Variants in NXPE2 observed in about 807,000 individuals in gnomAD.
The protein encoded by NXPE2 is neurexophilin and PC-esterase domain family member 2, also known as NXPE family member 2.
A neutral mutation model predicts 34.4 loss-of-function variants in NXPE2; 34 were observed. That is an observed-to-expected ratio of 0.99 (90% confidence interval 0.75 to 1.31). NXPE2 has a LOEUF of 1.31. Ranked by LOEUF, NXPE2 falls within the 40% of genes most tolerant of loss-of-function variation. The pLI is 0.00. For synonymous variants in NXPE2, 235 were observed against 231.3 expected, an observed-to-expected ratio of 1.02 and a Z score of -0.15; for missense variants, 649 against 672.5, an observed-to-expected ratio of 0.97 and a Z score of 0.39.
At chr11:114,652,595 G>T in the NXPE2 span, among the ~76,000 whole-genome samples, 18 of 152,322 alleles carry the variant, frequency 1.2e-4, no homozygotes, top group Admixed American at 2.6e-4. Flanking sequence ...CTCGACATAT[G>T]TTAACTGTTA....
At chr11:114,734,978 T>C in the NXPE2 span, among the ~76,000 whole-genome samples, 1 of 152,112 alleles carries the variant, frequency 6.6e-6, no homozygotes, top group Non-Finnish European at 1.5e-5. Context: ...GGCATGGTGG[T>C]GGGTGCCTGT....
the NXPE2 span, among the ~76,000 whole-genome samples, chr11:114,728,142 T>C: frequency 1.3e-5 from 2 of 152,082 alleles, no homozygotes; most frequent in Non-Finnish European, 2.9e-5. Context: ...CTGTTTTAAT[T>C]GCACATCTCT....
At chr11:114,752,216 T>C in the NXPE2 span, among the ~76,000 whole-genome samples, 1 of 151,948 alleles carries the variant, frequency 6.6e-6, no homozygotes, top group South Asian at 2.1e-4. Context: ...GAGACAGGAG[T>C]GTGTTTGTCA....
chr11:114,519,077 G>A, the NXPE2 span, among the ~76,000 whole-genome samples: 28 of 152,004 alleles, frequency 1.8e-4, no homozygotes, highest in Non-Finnish European at 3.2e-4. Context: ...GAATGTCTAG[G>A]CATAATGTGA....
chr11:114,724,092 A>G, the NXPE2 span, among the ~76,000 whole-genome samples: 1 of 152,192 alleles, frequency 6.6e-6, no homozygotes, highest in African/African-American at 2.4e-5. Context: ...ACGGAATAGC[A>G]GCAACAATCA....
chr11:114,563,447 C>T, the NXPE2 span, among the ~76,000 whole-genome samples: 20 of 152,188 alleles, frequency 1.3e-4, no homozygotes, highest in Admixed American at 6.5e-4. Context: ...CACGTGTGGA[C>T]GCTTATCTCT....
At chr11:114,710,257 A>G (rs147789509), downstream of NXPE2, among the ~76,000 whole-genome samples, 1 of 152,316 alleles carries the variant, frequency 6.6e-6, no homozygotes, top group East Asian at 1.9e-4. Context: ...ATTAGAACAG[A>G]GATAAAGGAA....
chr11:114,797,296 T>C, the NXPE2 span, among the ~76,000 whole-genome samples: 1 of 152,252 alleles, frequency 6.6e-6, no homozygotes, highest in East Asian at 1.9e-4. Flanking sequence ...TGAAATAAAC[T>C]GACATGAAAT....
the NXPE2 span, among the ~76,000 whole-genome samples, chr11:114,617,681 A>G: frequency 6.6e-6 from 1 of 152,140 alleles, no homozygotes; most frequent in Non-Finnish European, 1.5e-5. Flanking sequence ...TACCCGGTGG[A>G]TAAAAAGTAC....
chr11:114,634,620 C>G, the NXPE2 span, among the ~76,000 whole-genome samples: 1 of 151,968 alleles, frequency 6.6e-6, no homozygotes, highest in Non-Finnish European at 1.5e-5. Context: ...GTCTTTAATA[C>G]ATTTTGAATT....
At chr11:114,722,929 A>G in the NXPE2 span, among the ~76,000 whole-genome samples, 1 of 152,330 alleles carries the variant, frequency 6.6e-6, no homozygotes, top group African/African-American at 2.4e-5. Flanking sequence ...TTTAGCAAAC[A>G]AAAGAAAATG....
chr11:114,770,120 G>C, the NXPE2 span, among the ~76,000 whole-genome samples: 1 of 152,204 alleles, frequency 6.6e-6, no homozygotes, highest in African/African-American at 2.4e-5. Context: ...AATCTGCAAA[G>C]ATCTTTCCTT....
chr11:114,723,619 T>C, the NXPE2 span, among the ~76,000 whole-genome samples: 2 of 152,122 alleles, frequency 1.3e-5, no homozygotes, highest in Non-Finnish European at 2.9e-5. Flanking sequence ...TAAGGAGATA[T>C]ATTTACCTTG....
the NXPE2 span, among the ~76,000 whole-genome samples, chr11:114,581,409 G>A: frequency 6.6e-6 from 1 of 152,134 alleles, no homozygotes; most frequent in African/African-American, 2.4e-5. Flanking sequence ...GAAGAGAGGT[G>A]TTGTGGTGAG....
At chr11:114,470,613 G>GTGTGTA in the NXPE2 span, among the ~76,000 whole-genome samples, 1 of 123,724 alleles carries the variant, frequency 8.1e-6, no homozygotes, top group African/African-American at 3.0e-5. Flanking sequence ...GTGTGTGTGT[G>GTGTGTA]TGTGTGTGTG....
At chr11:114,587,627 C>T in the NXPE2 span, among the ~76,000 whole-genome samples, 1 of 152,176 alleles carries the variant, frequency 6.6e-6, no homozygotes, top group Non-Finnish European at 1.5e-5. Context: ...ATGGATGGCA[C>T]CTTAAAAGAT....
the NXPE2 span, among the ~76,000 whole-genome samples, chr11:114,639,281 A>C: frequency 6.6e-6 from 1 of 152,076 alleles, no homozygotes; most frequent in Non-Finnish European, 1.5e-5. Context: ...CAGGTGCAGG[A>C]TATAATCTCC....
the NXPE2 span, among the ~76,000 whole-genome samples, chr11:114,794,851 G>GCGC: frequency 8.0e-6 from 1 of 125,396 alleles, no homozygotes; most frequent in African/African-American, 2.9e-5. Flanking sequence ...TTGCACCCCC[G>GCGC]CCCCCCCCAA....
intron 2 of NXPE2, 130 bp from the exon 3 acceptor site, chr11:114,697,915 C>T: frequency 4.5e-6 from 4 of 889,912 alleles, no homozygotes; most frequent in Non-Finnish European, 6.4e-6. Context: ...TAACTGAAAA[C>T]CAGTTAGTAT....
Sources: allele counts gnomAD v4.1 joint callset (sites outside exome capture counted in the v4.1 genomes callset), GRCh38; gene constraint gnomAD v4.1.1; transcripts MANE v1.5; gene names NCBI Gene and HGNC (gene_info 2026-07-23, HGNC 2026-07-21).